DTNB: variants seen among roughly 807,000 people sequenced by gnomAD.
DTNB encodes the protein DTN-B.
DTNB carries 63 observed loss-of-function variants against 90.7 expected under a neutral mutation model. That is an observed-to-expected ratio of 0.69 (90% CI 0.57 to 0.86). The LOEUF (loss-of-function observed/expected upper bound fraction) is 0.86. Among genes scored for constraint, DTNB ranks in the 40% least tolerant of loss-of-function variants. The pLI is 0.00. For synonymous variants in DTNB, 277 were observed against 286.7 expected, an observed-to-expected ratio of 0.97 and a Z score of 0.34; for missense variants, 744 against 807.1, an observed-to-expected ratio of 0.92 and a Z score of 0.95.
chr2:25,474,184 T>C (rs899842005), intron 10 of DTNB, among the ~76,000 whole-genome samples: 4 of 152,054 alleles, frequency 2.6e-5, no homozygotes, highest in African/African-American at 9.7e-5. Context: ...AGCTGAAAAC[T>C]GGCGGTCTGC....
At chr2:25,426,829 G>A (rs187693069) in intron 15 of DTNB, 14 of 152,260 alleles carry the variant, frequency 9.2e-5, no homozygotes, top group Admixed American at 3.3e-4. Flanking sequence ...ATTGAAATAG[G>A]ACACTTAATA....
chr2:25,607,316 C>A lies in DTNB; in HGVS notation c.368G>T (p.Gly123Val). Residue 123 changes from glycine (G) to valine (V), a missense_variant, in exon 5 of 21, where the codon GGC becomes GTC. Transcript: ENST00000406818. ...NFMIAAYDSE[G>V]RGKLTVFSVK... ...TGAAAATACCGTCAACTTGCCTCGG[C>A]CCTCACTGCAAAATAAATTATATTA... The A allele has an allele frequency of 6.3e-7, 1 of 1,597,622 alleles. No homozygotes were observed. The highest frequency in any genetic ancestry group is 8.5e-7 in the Non-Finnish European group (1 of 1,171,610).
chr2:25,441,025 T>C (rs907212047), intron 12 of DTNB, among the ~76,000 whole-genome samples: 23 of 152,242 alleles, frequency 1.5e-4, no homozygotes, highest in Non-Finnish European at 4.4e-5. Context: ...TCCTGGATCC[T>C]GAGTGGTTCC....
intron 9 of DTNB, among the ~76,000 whole-genome samples, chr2:25,511,600 G>A (rs921013281): frequency 7.2e-5 from 11 of 152,094 alleles, no homozygotes; most frequent in African/African-American, 1.4e-4. Context: ...CCAAAGTGCT[G>A]GGATTAGAGG....
chr2:25,665,667 A>G (rs1406076844), intron 1 of DTNB, among the ~76,000 whole-genome samples: 5 of 152,074 alleles, frequency 3.3e-5, no homozygotes, highest in Non-Finnish European at 7.4e-5. Context: ...TCTCATTAAC[A>G]CTTAGTTACA....
At chr2:25,554,783 C>T (rs1182866221) in intron 8 of DTNB, among the ~76,000 whole-genome samples, 1 of 152,178 alleles carries the variant, frequency 6.6e-6, no homozygotes, top group Non-Finnish European at 1.5e-5. Context: ...TTGTAGGGTA[C>T]ATGCACCATG....
At position 25,651,020 on chromosome 2, in the gene DTNB, T is replaced by C. The variant is rs146224063; in HGVS notation, c.67+1574A>G. ...GATTTAAATAGTTCAATCTGGTAGC[T>C]GATCATAGACAGCAGATTTGAGAGG... On this transcript the variant is annotated intron_variant, in intron 2 of 20. Transcript: ENST00000406818. Among the ~76,000 whole-genome samples the C allele has an allele frequency of 5.1e-3, 780 of 152,130 alleles. 5 individuals carry two copies. Among genetic ancestry groups the C allele is most frequent in the African/African-American group, 0.018 (734 of 41,520 alleles).
intron 8 of DTNB, among the ~76,000 whole-genome samples, chr2:25,537,782 G>T (rs1031946334): frequency 6.6e-6 from 1 of 152,306 alleles, no homozygotes; most frequent in African/African-American, 2.4e-5. Context: ...CAAGGCCCCA[G>T]ACTTGAGAGT....
intron 16 of DTNB, among the ~76,000 whole-genome samples, chr2:25,418,241 A>G (rs1298154212): frequency 6.6e-6 from 1 of 152,098 alleles, no homozygotes; most frequent in Non-Finnish European, 1.5e-5. Context: ...TCCCCCTGAC[A>G]GTCTGTCTCC....
chr2:25,457,026 T>C (rs893893848), intron 10 of DTNB, among the ~76,000 whole-genome samples: 3 of 152,144 alleles, frequency 2.0e-5, no homozygotes, highest in African/African-American at 7.2e-5. Context: ...TTTTCTTTTT[T>C]TGAGACGGAG....
At chr2:25,471,704 C>CAT (rs1247260348) in intron 10 of DTNB, among the ~76,000 whole-genome samples, 2 of 152,084 alleles carry the variant, frequency 1.3e-5, no homozygotes, top group Non-Finnish European at 2.9e-5. Context: ...ATCTGGCCTG[C>CAT]ATCAAAAATC....
intron 16 of DTNB, among the ~76,000 whole-genome samples, chr2:25,408,538 C>CAAA (rs11395783): frequency 0.012 from 375 of 32,500 alleles, 42 homozygotes; most frequent in African/African-American, 0.025. Flanking sequence ...GACTCCATCT[C>CAAA]AAAAAAAAAA....
rs2058786566 is a variant in DTNB, at chr2:25,564,907, G to A, written c.876+11931C>T. Among the ~76,000 whole-genome samples the A allele has an allele frequency of 2.0e-5, 3 of 152,262 alleles. No homozygotes were observed. The South Asian group carries it at 6.2e-4, about 32-fold the overall frequency. On this transcript the variant is annotated intron_variant, in intron 8 of 20. Coordinates refer to ENST00000406818, the MANE Select transcript of DTNB (RefSeq NM_021907.5). ...GTAATTGCAGTTTTTGCCATTAAAA[G>A]TAACGGGGAAACCACAATTACTTTT...
At chr2:25,568,676 G>A (rs1334007641) in intron 8 of DTNB, among the ~76,000 whole-genome samples, 1 of 152,188 alleles carries the variant, frequency 6.6e-6, no homozygotes, top group African/African-American at 2.4e-5. Context: ...CCCTTGTTCT[G>A]ATTACAAGGC....
At chr2:25,534,584 C>T (rs918608377) in intron 8 of DTNB, among the ~76,000 whole-genome samples, 35 of 148,736 alleles carry the variant, frequency 2.4e-4, no homozygotes, top group African/African-American at 4.2e-4. Flanking sequence ...ACTTCCCAGA[C>T]GGGGCGGCTG....
At position 25,379,260 on chromosome 2, in the gene DTNB, G is replaced by A. The variant is rs375720562; in HGVS notation, c.*29+30C>T. 28 of 1,322,002 alleles carry A rather than the reference G, an allele frequency of 2.1e-5. No individual in the cohort carries two copies. The African/African-American group carries it at 3.3e-4, about 16-fold the overall frequency. 81.9% of individuals were successfully genotyped at this position (1,322,002 alleles called of 1,614,324 possible). On this transcript the variant is annotated intron_variant, in intron 20 of 20. Coordinates refer to ENST00000406818, the MANE Select transcript of DTNB (RefSeq NM_021907.5). ...GATGCTGAGGAAGGAGGGAGGGGCC[G>A]TGGGGAGGCAGAGGACTCTTTGTAC...
chr2:25,609,062 GGT>G (rs2067797802), intron 4 of DTNB, among the ~76,000 whole-genome samples: 1 of 152,188 alleles, frequency 6.6e-6, no homozygotes, highest in South Asian at 2.1e-4. Context: ...TGGCCAGAGA[GGT>G]GTCTTCATGA....
At chr2:25,652,823 A>G (rs561898958) in intron 1 of DTNB, 162 bp from the exon 2 acceptor site, 19 of 556,414 alleles carry the variant, frequency 3.4e-5, no homozygotes, top group East Asian at 2.2e-4. Flanking sequence ...AAAAAGATAA[A>G]CTGCCATCCT....
At chr2:25,480,404 C>T (rs2064694850) in intron 10 of DTNB, among the ~76,000 whole-genome samples, 1 of 152,124 alleles carries the variant, frequency 6.6e-6, no homozygotes, top group Non-Finnish European at 1.5e-5. Context: ...TTAATCCAGG[C>T]TATAGATTAT....
Sources: allele counts gnomAD v4.1 joint callset (sites outside exome capture counted in the v4.1 genomes callset), GRCh38; gene constraint gnomAD v4.1.1; transcripts MANE v1.5; gene names NCBI Gene and HGNC (gene_info 2026-07-23, HGNC 2026-07-21).